The following CDC14A variants were observed in gnomAD, a reference collection of about 807,000 sequenced individuals.
CDC14A encodes cell division cycle 14A.
Under a neutral mutation model 74.4 loss-of-function variants are expected in CDC14A, and 53 were observed. That is an observed-to-expected ratio of 0.71 (90% CI 0.57 to 0.89). The LOEUF (loss-of-function observed/expected upper bound fraction) is 0.89. Ranked by LOEUF, CDC14A falls within the 40% of genes least tolerant of loss-of-function variation. CDC14A has a pLI of 0.00. For missense variants in CDC14A, 646 were observed against 713.7 expected, an observed-to-expected ratio of 0.91 and a Z score of 1.08; for synonymous variants, 247 against 258.4, an observed-to-expected ratio of 0.96 and a Z score of 0.43.
chr1:100,390,080 A>G (rs113663963), intron 3 of CDC14A, among the ~76,000 whole-genome samples: 11 of 152,344 alleles, frequency 7.2e-5, no homozygotes, highest in African/African-American at 2.6e-4. Flanking sequence ...TTGAGCATGC[A>G]GCATATTGCC....
intron 3 of CDC14A, among the ~76,000 whole-genome samples, chr1:100,382,413 G>GTTTTTTTTTTTT (rs1557699718): frequency 4.2e-5 from 5 of 119,436 alleles, no homozygotes; most frequent in Admixed American, 8.0e-5. Flanking sequence ...TTTTTTTTTA[G>GTTTTTTTTTTTT]TTTTTGTAGA....
intron 11 of CDC14A, among the ~76,000 whole-genome samples, chr1:100,493,113 G>T (rs1647228754): frequency 6.6e-6 from 1 of 152,110 alleles, no homozygotes; most frequent in African/African-American, 2.4e-5. Flanking sequence ...AGAATTACAG[G>T]TTGAGAATCA....
intron 5 of CDC14A, among the ~76,000 whole-genome samples, chr1:100,439,523 C>G (rs879591168): frequency 1.3e-5 from 2 of 152,162 alleles, no homozygotes; most frequent in Admixed American, 6.5e-5. Flanking sequence ...GTACCAGCCA[C>G]TATATGAAGG....
chr1:100,349,611 G>T (rs1650735672), upstream of CDC14A, among the ~76,000 whole-genome samples: 1 of 152,174 alleles, frequency 6.6e-6, no homozygotes, highest in South Asian at 2.1e-4. Context: ...GGCTTAGAGA[G>T]ATTTGATTAT....
intron 5 of CDC14A, among the ~76,000 whole-genome samples, chr1:100,424,754 C>T (rs1662754400): frequency 6.6e-6 from 1 of 152,154 alleles, no homozygotes; most frequent in Non-Finnish European, 1.5e-5. Context: ...CCCTAAATCA[C>T]CAGTTTGGCA....
rs999959182 is a variant in CDC14A at position 100,499,272 on chromosome 1, C to G, written c.1755+10C>G. ...GAGCCGTTCTATCCCTGTAAGTGCGCAGACACCACCTCCTGGTCCTCAGAA... is the reference window on the plus strand; with the variant it reads ...GAGCCGTTCTATCCCTGTAAGTGCGGAGACACCACCTCCTGGTCCTCAGAA... On this transcript the variant is annotated intron_variant, in intron 15 of 15. Coordinates refer to ENST00000336454, the MANE Select transcript of CDC14A (RefSeq NM_003672.4). 1 of 1,614,208 alleles carries G rather than the reference C, an allele frequency of 6.2e-7. No homozygotes were observed.
chr1:100,390,699 G>T, intron 3 of CDC14A, 33 bp from the exon 4 acceptor site: 1 of 1,370,906 alleles, frequency 7.3e-7, no homozygotes, highest in South Asian at 1.2e-5. Flanking sequence ...TGTCTCTATG[G>T]TTACACTAAC....
chr1:100,517,039 G>A (rs1303804059), intron 15 of CDC14A, among the ~76,000 whole-genome samples: 1 of 152,146 alleles, frequency 6.6e-6, no homozygotes, highest in African/African-American at 2.4e-5. Context: ...TGTCGACACC[G>A]CTGTCTTTTC....
chr1:100,418,867 C>T (rs1661885326), intron 4 of CDC14A, among the ~76,000 whole-genome samples: 2 of 152,160 alleles, frequency 1.3e-5, no homozygotes, highest in African/African-American at 4.8e-5. Context: ...GGCTCCCAAA[C>T]CTGGATCTAC....
At chr1:100,474,400 G>A (rs60194113) in intron 10 of CDC14A, among the ~76,000 whole-genome samples, 8,670 of 152,176 alleles carry the variant, frequency 0.057, 839 homozygotes, top group African/African-American at 0.2. Context: ...GATTGTGAGA[G>A]CTGGTGTGAA....
intron 5 of CDC14A, among the ~76,000 whole-genome samples, chr1:100,433,795 C>T (rs750451270): frequency 2.0e-4 from 30 of 152,094 alleles, no homozygotes; most frequent in Admixed American, 2.0e-4. Context: ...AGGTTACAAG[C>T]AGTGGTATGT....
At chr1:100,440,504 A>G (rs1664807001) in intron 6 of CDC14A, among the ~76,000 whole-genome samples, 1 of 152,186 alleles carries the variant, frequency 6.6e-6, no homozygotes, top group African/African-American at 2.4e-5. Flanking sequence ...TATATAATGG[A>G]GAAGTTAAAC....
intron 7 of CDC14A, among the ~76,000 whole-genome samples, chr1:100,449,011 A>G (rs1473792686): frequency 6.6e-6 from 1 of 152,180 alleles, no homozygotes; most frequent in Non-Finnish European, 1.5e-5. Flanking sequence ...TTTAGTTGTG[A>G]TACAAAATTT....
chr1:100,501,142 T>G (rs1474085030), intron 15 of CDC14A, among the ~76,000 whole-genome samples: 2 of 152,212 alleles, frequency 1.3e-5, no homozygotes, highest in Non-Finnish European at 2.9e-5. Context: ...TCATAAAAAC[T>G]TAAATCCATG....
chr1:100,353,564 G>A (rs1419583137), intron 1 of CDC14A, among the ~76,000 whole-genome samples, 198 bp from the exon 2 acceptor site: 3 of 152,200 alleles, frequency 2.0e-5, no homozygotes, highest in Non-Finnish European at 4.4e-5. Context: ...GCCCCGCTGA[G>A]TTCCTCGGTC....
At chr1:100,446,400 G>A (rs1384658110) in intron 7 of CDC14A, among the ~76,000 whole-genome samples, 3 of 152,190 alleles carry the variant, frequency 2.0e-5, no homozygotes, top group African/African-American at 7.2e-5. Context: ...TGTGGGAAAT[G>A]CTTTGTTGTG....
intron 11 of CDC14A, among the ~76,000 whole-genome samples, chr1:100,493,162 A>T (rs377672181): frequency 6.6e-6 from 1 of 152,198 alleles, no homozygotes; most frequent in South Asian, 2.1e-4. Context: ...CTAGTGGGAA[A>T]CATAAAGATC....
chr1:100,351,738 A>G, upstream of CDC14A: 1 of 1,550,292 alleles, frequency 6.5e-7, no homozygotes, highest in South Asian at 1.2e-5. Context: ...GGCCCAGATG[A>G]GAGGGCGTGG....
chr1:100,395,523 C>T (rs2100999768), intron 4 of CDC14A, among the ~76,000 whole-genome samples: 1 of 152,308 alleles, frequency 6.6e-6, no homozygotes, highest in East Asian at 1.9e-4. Flanking sequence ...ATGTATCTTT[C>T]CATCTCTGTT....
Sources: allele counts gnomAD v4.1 joint callset (sites outside exome capture counted in the v4.1 genomes callset), GRCh38; gene constraint gnomAD v4.1.1; transcripts MANE v1.5; gene names NCBI Gene and HGNC (gene_info 2026-07-23, HGNC 2026-07-21).